The following SORCS3 variants were observed in gnomAD, a reference collection of about 807,000 sequenced individuals.
SORCS3 encodes the protein sortilin related VPS10 domain containing receptor 3.
Under a neutral mutation model 146.3 loss-of-function variants are expected in SORCS3, and 57 were observed. That is an observed-to-expected ratio of 0.39 (90% CI 0.31 to 0.49). SORCS3 has a LOEUF of 0.49. Ranked by LOEUF, SORCS3 falls within the 20% of genes least tolerant of loss-of-function variation. The probability of loss-of-function intolerance (pLI) is 0.92; values close to 1 mark genes in which losing one functional copy is unlikely to be tolerated. For synonymous variants in SORCS3, 653 were observed against 618.5 expected (o/e 1.06, Z -0.83); for missense variants, 1,341 against 1,575.5 (o/e 0.85, Z 2.52).
intron 19 of SORCS3, among the ~76,000 whole-genome samples, chr10:105,222,749 A>G (rs1405223115): frequency 6.6e-6 from 1 of 152,238 alleles, no homozygotes; most frequent in Non-Finnish European, 1.5e-5. Context: ...CACTGACCCC[A>G]AATCACAATA....
At chr10:104,872,090 T>C (rs1337682250) in intron 2 of SORCS3, among the ~76,000 whole-genome samples, 1 of 152,146 alleles carries the variant, frequency 6.6e-6, no homozygotes, top group African/African-American at 2.4e-5. Flanking sequence ...ATACCCTCTG[T>C]CAACCAAATC....
intron 20 of SORCS3, among the ~76,000 whole-genome samples, chr10:105,234,548 CTT>C (rs80043319): frequency 9.4e-5 from 13 of 138,014 alleles, no homozygotes; most frequent in Admixed American, 7.2e-5. Context: ...TATTCTTTTC[CTT>C]TTTTTTTTTT....
At position 104,977,328 on chromosome 10, in the gene SORCS3, T is replaced by C. The variant is rs778981956; in HGVS notation, c.796-7T>C. 4 of 1,607,480 alleles carry C rather than the reference T, an allele frequency of 2.5e-6. No individual in the cohort carries two copies. The Admixed American group carries it at 6.8e-5, about 27-fold the overall frequency. On this transcript the variant is annotated splice_region_variant and splice_polypyrimidine_tract_variant and intron_variant, in intron 3 of 26. Coordinates refer to ENST00000369701, the MANE Select transcript of SORCS3 (RefSeq NM_014978.3). ...TGTCTGTATATGTCCCTCTATCCTT[T>C]CTTTAGATTATGCTTCTCAGTGATC...
chr10:105,016,155 A>ATATATATATATATATATATATTT (rs71482443), intron 4 of SORCS3, among the ~76,000 whole-genome samples: 4 of 101,316 alleles, frequency 3.9e-5, no homozygotes, highest in African/African-American at 1.9e-4. Context: ...ATATATATAT[A>ATATATATATATATATATATATTT]TTTTTTTTTT....
chr10:105,178,022 C>T, intron 13 of SORCS3, 44 bp from the exon 14 acceptor site: 1 of 1,445,580 alleles, frequency 6.9e-7, no homozygotes, highest in Non-Finnish European at 9.7e-7. Context: ...AAGAGTGTGG[C>T]TTTATTTTCA....
chr10:104,644,173 T>C (rs143249101), intron 1 of SORCS3, among the ~76,000 whole-genome samples: 4 of 152,268 alleles, frequency 2.6e-5, no homozygotes, highest in East Asian at 3.9e-4. Flanking sequence ...GATTGGACAA[T>C]GTATGAACAG....
intron 13 of SORCS3, among the ~76,000 whole-genome samples, chr10:105,168,892 G>A (rs528596809): frequency 2.6e-5 from 4 of 152,168 alleles, no homozygotes; most frequent in East Asian, 3.9e-4. Flanking sequence ...TAAGAGGAGC[G>A]CTCTCCCACC....
intron 2 of SORCS3, among the ~76,000 whole-genome samples, chr10:104,857,388 G>A (rs1483065775): frequency 6.6e-6 from 1 of 152,150 alleles, no homozygotes; most frequent in East Asian, 1.9e-4. Context: ...TAGCAAGGGT[G>A]ATTTAGTATG....
intron 5 of SORCS3, among the ~76,000 whole-genome samples, chr10:105,045,356 T>C (rs2055364432): frequency 6.6e-6 from 1 of 152,174 alleles, no homozygotes; most frequent in South Asian, 2.1e-4. Flanking sequence ...CTTCTTCATA[T>C]ATGCTCCCAA....
intron 2 of SORCS3, among the ~76,000 whole-genome samples, chr10:104,901,806 A>G (rs940747): frequency 0.49 from 74,707 of 152,126 alleles, 21,997 homozygotes; most frequent in African/African-American, 0.84. Flanking sequence ...TTCTGACAGT[A>G]TTCCCACTGG....
intron 9 of SORCS3, among the ~76,000 whole-genome samples, chr10:105,155,635 C>T (rs1303076270): frequency 1.3e-5 from 2 of 152,190 alleles, no homozygotes; most frequent in African/African-American, 2.4e-5. Context: ...CTGAGGGGCT[C>T]ATAGTCCCTA....
At chr10:105,224,417 G>T (rs1018640324) in intron 20 of SORCS3, among the ~76,000 whole-genome samples, 44 of 152,074 alleles carry the variant, frequency 2.9e-4, no homozygotes, top group African/African-American at 1.1e-3. Context: ...TGTCTTGATA[G>T]CTCATTTCTT....
chr10:104,836,906 A>G (rs2018075567), intron 1 of SORCS3, among the ~76,000 whole-genome samples: 1 of 152,122 alleles, frequency 6.6e-6, no homozygotes, highest in Non-Finnish European at 1.5e-5. Flanking sequence ...AAAAGAAATA[A>G]AGCAGACAAG....
chr10:104,860,132 C>T lies in SORCS3; in HGVS notation c.695+17273C>T, dbSNP rs868107554. 6.5e-3 allele frequency among the ~76,000 whole-genome samples: 778 copies of T among 120,496 alleles called. 3 individuals are homozygous for T. Among genetic ancestry groups the T allele is most frequent in the African/African-American group, 0.015 (494 of 33,406 alleles). The allele number at this position is 120,496 out of a possible 152,430, so 79.1% of individuals were successfully genotyped here. On this transcript the variant is annotated intron_variant, in intron 2 of 26. Transcript: ENST00000369701. ...GACACATGCACACATATGTTTATTG[C>T]GGCACTATTCACAATAGCAAAGACT...
intron 6 of SORCS3, among the ~76,000 whole-genome samples, chr10:105,091,580 A>G (rs1589628481): frequency 7.4e-6 from 1 of 134,908 alleles, no homozygotes; most frequent in African/African-American, 2.9e-5. Flanking sequence ...CTCCTTCCTT[A>G]CTTTTCATCT....
chr10:104,882,403 G>A (rs1286210387), intron 2 of SORCS3, among the ~76,000 whole-genome samples: 3 of 152,132 alleles, frequency 2.0e-5, no homozygotes, highest in Admixed American at 6.5e-5. Flanking sequence ...TGTTTGGAAT[G>A]AGAAAGGAAA....
intron 1 of SORCS3, among the ~76,000 whole-genome samples, chr10:104,817,117 C>T (rs1408147178): frequency 2.6e-5 from 4 of 152,218 alleles, no homozygotes; most frequent in East Asian, 3.9e-4. Flanking sequence ...AACTTGGAAG[C>T]GGTGGATCTA....
At chr10:104,845,942 G>C (rs116154376) in intron 2 of SORCS3, among the ~76,000 whole-genome samples, 8,326 of 152,090 alleles carry the variant, frequency 0.055, 680 homozygotes, top group African/African-American at 0.18. Flanking sequence ...GGTCCGGAGG[G>C]TGTGGAGATT....
intron 23 of SORCS3, among the ~76,000 whole-genome samples, chr10:105,255,186 CAAAAAA>C (rs35150065): frequency 1.5e-4 from 5 of 32,662 alleles, no homozygotes; most frequent in East Asian, 8.7e-4. Context: ...GACTCAGTCT[CAAAAAA>C]AAAAAAAAAA....
Sources: allele counts gnomAD v4.1 joint callset (sites outside exome capture counted in the v4.1 genomes callset), GRCh38; gene constraint gnomAD v4.1.1; transcripts MANE v1.5; gene names NCBI Gene and HGNC (gene_info 2026-07-23, HGNC 2026-07-21).